RGS8: variants seen among roughly 807,000 people sequenced by gnomAD.
RGS8 encodes regulator of G protein signaling 8, also known as regulator of G-protein signaling 8.
A neutral mutation model predicts 21.7 loss-of-function variants in RGS8; 8 were observed. The observed-to-expected ratio is 0.37, with a 90% CI of 0.22 to 0.66. The LOEUF (loss-of-function observed/expected upper bound fraction) is 0.66. Among genes scored for constraint, RGS8 ranks in the 30% least tolerant of loss-of-function variants. RGS8 has a pLI of 0.59. For synonymous variants in RGS8, 80 were observed against 83.6 expected, an observed-to-expected ratio of 0.96 and a Z score of 0.24; for missense variants, 157 against 217.9, an observed-to-expected ratio of 0.72 and a Z score of 1.76.
At chr1:182,694,937 G>A in the RGS8 span, among the ~76,000 whole-genome samples, 2 of 152,198 alleles carry the variant, frequency 1.3e-5, no homozygotes, top group East Asian at 1.9e-4. Flanking sequence ...CACAGCTGGC[G>A]AACTTGCACC....
At chr1:182,735,603 C>G in the RGS8 span, among the ~76,000 whole-genome samples, 1 of 152,106 alleles carries the variant, frequency 6.6e-6, no homozygotes, top group Non-Finnish European at 1.5e-5. Context: ...AAGAGAGGGC[C>G]CTGGTGGAAG....
the RGS8 span, among the ~76,000 whole-genome samples, chr1:182,731,003 T>G: frequency 6.6e-6 from 1 of 152,204 alleles, no homozygotes; most frequent in Non-Finnish European, 1.5e-5. Flanking sequence ...TTCTCCCTGC[T>G]GCAGAGAGAT....
the RGS8 span, among the ~76,000 whole-genome samples, chr1:182,738,461 A>G: frequency 6.6e-6 from 1 of 152,384 alleles, no homozygotes; most frequent in East Asian, 1.9e-4. Flanking sequence ...AAATAGCATT[A>G]AATATATTTT....
chr1:182,681,509 A>T, intron 1 of RGS8, among the ~76,000 whole-genome samples: 1 of 152,304 alleles, frequency 6.6e-6, no homozygotes, highest in East Asian at 1.9e-4. Flanking sequence ...CTAGCCAGAC[A>T]CCTAGAATCA....
At chr1:182,653,017 A>T (rs72727004) in intron 5 of RGS8, among the ~76,000 whole-genome samples, 2,439 of 152,346 alleles carry the variant, frequency 0.016, 29 homozygotes, top group Non-Finnish European at 0.025. Flanking sequence ...AAATGACTAG[A>T]CCTGCTTATA....
chr1:182,741,336 G>A, the RGS8 span, among the ~76,000 whole-genome samples: 1 of 124,404 alleles, frequency 8.0e-6, no homozygotes, highest in Non-Finnish European at 1.7e-5. Flanking sequence ...CCTCCCGGAC[G>A]GGGCGGCTGG....
chr1:182,669,534 C>T (rs910332945), intron 3 of RGS8, 90 bp downstream of exon 4: 47 of 1,594,432 alleles, frequency 2.9e-5, no homozygotes, highest in South Asian at 6.7e-5. Flanking sequence ...GCTCAGAAGG[C>T]TTGGGCCAGA....
At chr1:182,705,515 G>A in the RGS8 span, among the ~76,000 whole-genome samples, 7 of 152,264 alleles carry the variant, frequency 4.6e-5, no homozygotes, top group East Asian at 1.9e-4. Context: ...AAGTTGAAGC[G>A]TAAAAAGAAT....
exon 7 of RGS8, chr1:182,646,687 G>A: frequency 5.9e-6 from 9 of 1,517,240 alleles, no homozygotes; most frequent in Non-Finnish European, 8.1e-6. Context: ...GATCTTGGCA[G>A]CAAGTGGAGG....
intron 3 of RGS8, among the ~76,000 whole-genome samples, chr1:182,668,035 CCTGT>C (rs147851812): frequency 0.024 from 3,684 of 152,236 alleles, 162 homozygotes; most frequent in African/African-American, 0.084. Context: ...TGAAAAGGTG[CCTGT>C]CTGTGTAAAT....
chr1:182,689,303 A>ACC (rs1051895672), upstream of RGS8, among the ~76,000 whole-genome samples: 2 of 135,752 alleles, frequency 1.5e-5, no homozygotes, highest in Non-Finnish European at 3.3e-5. Context: ...ACACACACAC[A>ACC]CACCCCACAA....
the RGS8 span, among the ~76,000 whole-genome samples, chr1:182,700,415 C>CT: frequency 6.6e-6 from 1 of 152,202 alleles, no homozygotes; most frequent in Non-Finnish European, 1.5e-5. Context: ...GCGCACCAAT[C>CT]TGACACCTCA....
the RGS8 span, among the ~76,000 whole-genome samples, chr1:182,702,310 AG>A: frequency 6.6e-6 from 1 of 152,220 alleles, no homozygotes; most frequent in African/African-American, 2.4e-5. Context: ...ACCCAGGAAC[AG>A]GCAACCAAAT....
downstream of RGS8, chr1:182,643,939 G>C (rs1482983434): frequency 6.6e-6 from 1 of 152,304 alleles, no homozygotes; most frequent in Non-Finnish European, 1.5e-5. Context: ...GGCTTGCCTG[G>C]AGCCTGCATA....
chr1:182,683,717 G>A (rs1664616048), intron 1 of RGS8, among the ~76,000 whole-genome samples: 4 of 151,494 alleles, frequency 2.6e-5, no homozygotes, highest in Non-Finnish European at 5.9e-5. Context: ...AGTCCCTGTA[G>A]GAGGCAACCG....
At chr1:182,693,872 A>T in the RGS8 span, among the ~76,000 whole-genome samples, 1 of 152,180 alleles carries the variant, frequency 6.6e-6, no homozygotes, top group East Asian at 1.9e-4. Flanking sequence ...TGCAGGAACA[A>T]AAAAACCAAG....
At chr1:182,688,292 G>C (rs566854286), upstream of RGS8, among the ~76,000 whole-genome samples, 9 of 152,194 alleles carry the variant, frequency 5.9e-5, no homozygotes, top group South Asian at 1.9e-3. Context: ...ATCTTTTCTA[G>C]CCAGTGCCCT....
chr1:182,671,872 C>T, exon 1 of RGS8: 1 of 1,505,344 alleles, frequency 6.6e-7, no homozygotes, highest in Admixed American at 2.2e-5. Context: ...AGCCAGGCAG[C>T]AAGCGGCCCC....
the RGS8 span, among the ~76,000 whole-genome samples, chr1:182,730,751 C>T: frequency 0.031 from 4,677 of 151,994 alleles, 107 homozygotes; most frequent in Admixed American, 0.079. Context: ...CAGCAATTTG[C>T]ACTCTACCTT....
Sources: gnomAD v4.1 joint callset for allele counts (sites outside exome capture counted in the v4.1 genomes callset) on GRCh38, gnomAD v4.1.1 for gene constraint, MANE v1.5 for transcripts, NCBI Gene and HGNC (gene_info 2026-07-23, HGNC 2026-07-21) for gene names.